Variants in RANBP17 observed in about 807,000 individuals in gnomAD.
RANBP17 encodes ran-binding protein 17.
In RANBP17, 158 loss-of-function variants were observed where a neutral mutation model predicts 141.2. The ratio of observed to expected loss-of-function variants is 1.12; its 90% CI spans 0.98 to 1.28. RANBP17 has a LOEUF of 1.28. Ranked by LOEUF, RANBP17 falls within the 50% of genes most tolerant of loss-of-function variation. The pLI is 0.00. For synonymous variants in RANBP17, 430 were observed against 450.0 expected, an observed-to-expected ratio of 0.96 and a Z score of 0.56; for missense variants, 1,438 against 1,290.7, an observed-to-expected ratio of 1.11 and a Z score of -1.75.
intron 14 of RANBP17, among the ~76,000 whole-genome samples, chr5:171,150,374 T>C (rs1201112605): frequency 6.6e-6 from 1 of 152,030 alleles, no homozygotes; most frequent in Non-Finnish European, 1.5e-5. Flanking sequence ...ATAACACTAA[T>C]AACAGATTCG....
At chr5:171,150,455 A>C (rs1194557556) in intron 14 of RANBP17, among the ~76,000 whole-genome samples, 1 of 151,890 alleles carries the variant, frequency 6.6e-6, no homozygotes, top group Non-Finnish European at 1.5e-5. Flanking sequence ...AGCATTACAC[A>C]ATTTGATGAA....
At chr5:170,993,694 G>C (rs946263668) in intron 14 of RANBP17, among the ~76,000 whole-genome samples, 1 of 152,008 alleles carries the variant, frequency 6.6e-6, no homozygotes, top group Non-Finnish European at 1.5e-5. Flanking sequence ...CTGTTGTAAT[G>C]ATGATGATAA....
Position 170,976,327 on chromosome 5 carries a change from CAAATT to C in RANBP17, c.1710+7954_1710+7958del, listed in dbSNP as rs1221265102. On this transcript the variant is annotated intron_variant, in intron 14 of 27. Coordinates refer to ENST00000523189, the MANE Select transcript of RANBP17 (RefSeq NM_022897.5). ...TGAAAATCATAAAACATTGTTGAAA[CAAATT>C]AAAGGGGATGTAATAACTGGAAAGA... Among the ~76,000 whole-genome samples, 7 of 152,128 alleles carry C rather than the reference CAAATT, an allele frequency of 4.6e-5. No individual in the cohort carries two copies. The East Asian group carries it at 1.2e-3, about 25-fold the overall frequency.
chr5:170,908,767 T>C (rs1771284991), intron 5 of RANBP17, among the ~76,000 whole-genome samples: 1 of 151,952 alleles, frequency 6.6e-6, no homozygotes, highest in African/African-American at 2.4e-5. Flanking sequence ...TTTCATGTTT[T>C]ATAAGTAAAT....
chr5:171,095,527 T>C (rs1294799348), intron 14 of RANBP17, among the ~76,000 whole-genome samples: 1 of 152,242 alleles, frequency 6.6e-6, no homozygotes. Flanking sequence ...TTGTATTAGA[T>C]TTATAGCCTA....
intron 14 of RANBP17, among the ~76,000 whole-genome samples, chr5:171,067,260 A>G (rs1784364388): frequency 6.6e-6 from 1 of 152,164 alleles, no homozygotes; most frequent in Non-Finnish European, 1.5e-5. Context: ...CTTGAATAGC[A>G]TACATTAACT....
At chr5:170,878,737 A>G (rs536039215) in intron 2 of RANBP17, among the ~76,000 whole-genome samples, 1 of 152,192 alleles carries the variant, frequency 6.6e-6, no homozygotes, top group Non-Finnish European at 1.5e-5. Context: ...ATTTATGTAC[A>G]TGAATTAAAG....
chr5:170,896,302 A>G, intron 5 of RANBP17, 187 bp downstream of exon 5: 1 of 564,202 alleles, frequency 1.8e-6, no homozygotes, highest in Non-Finnish European at 3.1e-6. Flanking sequence ...TTTCATTGTT[A>G]TTGAAGATAT....
chr5:171,291,231 G>C (rs902005186), intron 25 of RANBP17, among the ~76,000 whole-genome samples: 1 of 152,212 alleles, frequency 6.6e-6, no homozygotes, highest in Non-Finnish European at 1.5e-5. Flanking sequence ...CTCTGCCTCA[G>C]AAATGGGCCC....
chr5:170,970,377 T>C (rs1216513649), intron 14 of RANBP17: 1 of 152,112 alleles, frequency 6.6e-6, no homozygotes, highest in African/African-American at 2.4e-5. Flanking sequence ...AATTGTATCA[T>C]GTAGAGTATG....
intron 12 of RANBP17, among the ~76,000 whole-genome samples, chr5:170,939,565 T>C (rs1561911700): frequency 6.6e-6 from 1 of 151,994 alleles, no homozygotes; most frequent in Non-Finnish European, 1.5e-5. Context: ...TGTATTGTTT[T>C]AGTAGAGACG....
At position 170,968,344 on chromosome 5, in the gene RANBP17, A is replaced by AT. The variant is rs1776740066; in HGVS notation, c.1678dup (p.Tyr560LeufsTer4). 2 of 1,607,714 alleles carry AT rather than the reference A, an allele frequency of 1.2e-6. No homozygotes were observed. Among genetic ancestry groups the AT allele is most frequent in the South Asian group, 2.2e-5 (2 of 89,552 alleles). ...GGTTCTTGGATCAGTTTCGTAAAAC[A>AT]TATGTTGGTGATCAACTTCAAAGAA... On this transcript the variant is annotated frameshift_variant, in exon 14 of 28. Coordinates refer to ENST00000523189, the MANE Select transcript of RANBP17 (RefSeq NM_022897.5). LOFTEE classifies it high-confidence loss of function.
chr5:171,182,867 G>A (rs999844321), intron 16 of RANBP17, among the ~76,000 whole-genome samples: 1 of 152,068 alleles, frequency 6.6e-6, no homozygotes, highest in African/African-American at 2.4e-5. Context: ...AATATAAAAA[G>A]GGATCAGTTT....
chr5:170,985,130 AACACAGACACACACAAATGCAC>A (rs974797957), intron 14 of RANBP17, among the ~76,000 whole-genome samples: 1 of 150,008 alleles, frequency 6.7e-6, no homozygotes, highest in African/African-American at 2.5e-5. Context: ...TACATACACA[AACACAGACACACACAAATGCAC>A]ACACAGACAC....
intron 14 of RANBP17, among the ~76,000 whole-genome samples, chr5:171,039,335 T>C (rs959292216): frequency 2.6e-5 from 4 of 151,648 alleles, no homozygotes; most frequent in Non-Finnish European, 5.9e-5. Context: ...ATTAGTGATG[T>C]TGAACATTTT....
At chr5:170,958,331 T>A (rs1212509588) in intron 13 of RANBP17, among the ~76,000 whole-genome samples, 2 of 152,182 alleles carry the variant, frequency 1.3e-5, no homozygotes, top group Non-Finnish European at 2.9e-5. Context: ...GGTTTGTCTC[T>A]CTTTTCTGGG....
intron 1 of RANBP17, among the ~76,000 whole-genome samples, chr5:170,864,555 A>G (rs1440850999): frequency 1.3e-5 from 2 of 152,174 alleles, no homozygotes; most frequent in Non-Finnish European, 2.9e-5. Flanking sequence ...AAAGGAATTA[A>G]TGGGTCTGGA....
intron 12 of RANBP17, among the ~76,000 whole-genome samples, chr5:170,940,116 T>C (rs1214024259): frequency 6.6e-6 from 1 of 152,156 alleles, no homozygotes; most frequent in Non-Finnish European, 1.5e-5. Context: ...ATTTGAATAT[T>C]TTAAAAATAG....
At chr5:170,965,990 A>G (rs950511231) in intron 13 of RANBP17, among the ~76,000 whole-genome samples, 3 of 152,208 alleles carry the variant, frequency 2.0e-5, no homozygotes, top group Admixed American at 6.5e-5. Context: ...TACCTTGGGC[A>G]GTATGGCCAT....
Sources: gnomAD v4.1 joint callset for allele counts (sites outside exome capture counted in the v4.1 genomes callset) on GRCh38, gnomAD v4.1.1 for gene constraint, MANE v1.5 for transcripts, NCBI Gene and HGNC (gene_info 2026-07-23, HGNC 2026-07-21) for gene names.